ADCY2: variants seen among roughly 807,000 people sequenced by gnomAD.
ADCY2 encodes the protein adenylate cyclase type 2.
In ADCY2, 31 loss-of-function variants were observed where a neutral mutation model predicts 125.2. That is an observed-to-expected ratio of 0.25 (90% confidence interval 0.19 to 0.33). The LOEUF is 0.33. ADCY2 is among the 10% of genes least tolerant of loss of function. The pLI, the probability that ADCY2 is intolerant of heterozygous loss-of-function variation, is 1.00. For missense variants in ADCY2, 904 were observed against 1,418.2 expected (o/e 0.64, Z 5.82); for synonymous variants, 512 against 548.4 (o/e 0.93, Z 0.93).
intron 1 of ADCY2, among the ~76,000 whole-genome samples, chr5:7,405,637 T>C (rs1739455611): frequency 6.6e-6 from 1 of 152,224 alleles, no homozygotes; most frequent in Non-Finnish European, 1.5e-5. Context: ...AGTTATTGCT[T>C]GTGCCATGCA....
At chr5:7,821,055 A>T (rs561088029) in intron 24 of ADCY2, among the ~76,000 whole-genome samples, 1 of 152,280 alleles carries the variant, frequency 6.6e-6, no homozygotes, top group African/African-American at 2.4e-5. Context: ...AACCAAAACC[A>T]GACACAACCC....
chr5:7,774,179 T>C (rs142190788), intron 18 of ADCY2, among the ~76,000 whole-genome samples: 17 of 152,342 alleles, frequency 1.1e-4, no homozygotes, highest in Admixed American at 1.0e-3. Flanking sequence ...TTCTTACCAA[T>C]AAGAACCTTT....
At chr5:7,465,075 T>C (rs1266632515) in intron 2 of ADCY2, among the ~76,000 whole-genome samples, 1 of 152,142 alleles carries the variant, frequency 6.6e-6, no homozygotes, top group Non-Finnish European at 1.5e-5. Flanking sequence ...CTCACTACTA[T>C]GAGAACAGTA....
chr5:7,813,559 T>C (rs1745008445), intron 22 of ADCY2, among the ~76,000 whole-genome samples: 1 of 152,210 alleles, frequency 6.6e-6, no homozygotes, highest in South Asian at 2.1e-4. Flanking sequence ...ATTCAGATAA[T>C]AGGAGAAATA....
At position 7,735,311 on chromosome 5, in the gene ADCY2, C is replaced by A. The variant is rs1009337764; in HGVS notation, c.1871+8050C>A. The stretch of plus-strand genomic sequence containing the variant: ...TTACTTCTTCTTTTACAATCTGATG[C>A]CTTTTATATTATTTTCCTGCCCAAT... On this transcript the variant is annotated intron_variant, in intron 14 of 24. Transcript: ENST00000338316. Among the ~76,000 whole-genome samples, 3 of 152,232 alleles carry A rather than the reference C, an allele frequency of 2.0e-5. No individual in the cohort carries two copies. In the South Asian group the frequency reaches 6.2e-4, roughly 32 times the overall value.
rs1249535837 is a variant in ADCY2 at position 7,706,911 on chromosome 5, A to G, written c.1268+9A>G. ...GCTGGAGGGGTCCCTGGGTAAGGCC[A>G]AGCATTGGATTTCTTTCTTCAAGCA... On this transcript the variant is annotated intron_variant, in intron 8 of 24. Coordinates refer to ENST00000338316, the MANE Select transcript of ADCY2 (RefSeq NM_020546.3). The G allele has an allele frequency of 6.2e-7, 1 of 1,613,716 alleles. No individual in the cohort carries two copies. The highest frequency in any genetic ancestry group is 1.3e-5 in the African/African-American group (1 of 74,916).
chr5:7,775,351 G>T (rs911396835), intron 18 of ADCY2, among the ~76,000 whole-genome samples: 35 of 152,180 alleles, frequency 2.3e-4, no homozygotes, highest in African/African-American at 8.4e-4. Flanking sequence ...AAAGTGTTGA[G>T]ATTACAGGCA....
chr5:7,576,077 A>C (rs1220329139), intron 3 of ADCY2, among the ~76,000 whole-genome samples: 1 of 152,162 alleles, frequency 6.6e-6, no homozygotes, highest in Non-Finnish European at 1.5e-5. Context: ...TGGGTTGCAG[A>C]CTTCTCTACC....
At chr5:7,598,344 G>A (rs1737078904) in intron 3 of ADCY2, among the ~76,000 whole-genome samples, 1 of 152,180 alleles carries the variant, frequency 6.6e-6, no homozygotes, top group African/African-American at 2.4e-5. Flanking sequence ...GACTTCTAGA[G>A]AAAGCCTGAG....
At chr5:7,650,294 C>T (rs770051582) in intron 4 of ADCY2, among the ~76,000 whole-genome samples, 11 of 151,882 alleles carry the variant, frequency 7.2e-5, no homozygotes, top group Admixed American at 2.0e-4. Context: ...TTCACTGTCC[C>T]TGAGTGTGCA....
chr5:7,807,283 G>C (rs779653107), intron 22 of ADCY2, among the ~76,000 whole-genome samples: 1 of 152,066 alleles, frequency 6.6e-6, no homozygotes, highest in East Asian at 1.9e-4. Flanking sequence ...CCGCAGCCAC[G>C]CTTTATAGAC....
At chr5:7,508,943 C>G (rs1416572214) in intron 2 of ADCY2, among the ~76,000 whole-genome samples, 2 of 152,170 alleles carry the variant, frequency 1.3e-5, no homozygotes, top group Non-Finnish European at 2.9e-5. Context: ...TTTGCTTTAA[C>G]TACGAAGATG....
chr5:7,417,797 TTGTC>T (rs1348381115), intron 2 of ADCY2, among the ~76,000 whole-genome samples: 2 of 152,194 alleles, frequency 1.3e-5, no homozygotes, highest in Non-Finnish European at 1.5e-5. Flanking sequence ...TGTTTATTGA[TTGTC>T]TGCTGCTGGA....
intron 2 of ADCY2, among the ~76,000 whole-genome samples, chr5:7,437,296 C>G (rs911498244): frequency 1.3e-5 from 2 of 152,170 alleles, no homozygotes; most frequent in Non-Finnish European, 2.9e-5. Flanking sequence ...GCAAACCCAA[C>G]TTTAAGACAT....
chr5:7,545,184 A>AT (rs1269260229), intron 3 of ADCY2, among the ~76,000 whole-genome samples: 1 of 152,194 alleles, frequency 6.6e-6, no homozygotes, highest in Non-Finnish European at 1.5e-5. Context: ...CAGAACACAG[A>AT]TATCAGTAGG....
chr5:7,803,963 T>G lies in ADCY2; in HGVS notation c.2776-622T>G, dbSNP rs185493213. On this transcript the variant is annotated intron_variant, in intron 21 of 24. Coordinates refer to ENST00000338316, the MANE Select transcript of ADCY2 (RefSeq NM_020546.3). ...GTATATATATACACACACACACACATGTATATCGTATGGCTCCTCTTCTGT... is the reference window on the plus strand; with the variant it reads ...GTATATATATACACACACACACACAGGTATATCGTATGGCTCCTCTTCTGT... Among the ~76,000 whole-genome samples the G allele has an allele frequency of 4.2e-3, 583 of 139,718 alleles. 4 individuals carry two copies. Among genetic ancestry groups the G allele is most frequent in the Non-Finnish European group, 6.5e-3 (438 of 67,140 alleles). The allele number at this position is 139,718 out of a possible 152,430, so 91.7% of individuals were successfully genotyped here.
intron 2 of ADCY2, among the ~76,000 whole-genome samples, chr5:7,472,869 T>G (rs1742390456): frequency 6.6e-6 from 1 of 152,164 alleles, no homozygotes; most frequent in African/African-American, 2.4e-5. Flanking sequence ...GCTTTAGGCT[T>G]CTCCTGTGTA....
chr5:7,740,496 C>A (rs1742377111), intron 14 of ADCY2, among the ~76,000 whole-genome samples: 1 of 152,018 alleles, frequency 6.6e-6, no homozygotes, highest in Non-Finnish European at 1.5e-5. Flanking sequence ...TTTAGAGAAA[C>A]ACTTTGTTAC....
chr5:7,777,189 C>T (rs17830475), intron 18 of ADCY2, among the ~76,000 whole-genome samples: 4,394 of 152,242 alleles, frequency 0.029, 98 homozygotes, highest in Non-Finnish European at 0.042. Flanking sequence ...TCCTGTTTCA[C>T]CCCGGAAAGG....
Sources: gnomAD v4.1 joint callset for allele counts (sites outside exome capture counted in the v4.1 genomes callset) on GRCh38, gnomAD v4.1.1 for gene constraint, MANE v1.5 for transcripts, NCBI Gene and HGNC (gene_info 2026-07-23, HGNC 2026-07-21) for gene names.